The following ACSS3 variants were observed in gnomAD, a reference collection of about 807,000 sequenced individuals.
ACSS3 encodes acyl-CoA synthetase short-chain family member 3, mitochondrial.
A neutral mutation model predicts 84.2 loss-of-function variants in ACSS3; 64 were observed. The observed-to-expected ratio is 0.76, with a 90% CI of 0.62 to 0.94. The LOEUF is 0.94. Among genes scored for constraint, ACSS3 ranks in the 40% least tolerant of loss-of-function variants. ACSS3 has a pLI of 0.00. For synonymous variants in ACSS3, 317 were observed against 310.1 expected (o/e 1.02, Z -0.23); for missense variants, 815 against 867.6 (o/e 0.94, Z 0.76).
intron 1 of ACSS3, among the ~76,000 whole-genome samples, chr12:81,083,349 G>A (rs1319310533): frequency 7.2e-6 from 1 of 138,030 alleles, no homozygotes; most frequent in Non-Finnish European, 1.6e-5. Context: ...AAAAAATTCA[G>A]CTTTTGGTCT....
At chr12:81,110,915 A>G (rs1471310466) in intron 2 of ACSS3, among the ~76,000 whole-genome samples, 1 of 152,172 alleles carries the variant, frequency 6.6e-6, no homozygotes, top group Non-Finnish European at 1.5e-5. Context: ...AGAAAGTTTC[A>G]TCAACTCTCC....
chr12:81,216,614 G>A (rs934649224), intron 9 of ACSS3, among the ~76,000 whole-genome samples: 5 of 151,946 alleles, frequency 3.3e-5, no homozygotes, highest in Non-Finnish European at 7.4e-5. Context: ...CATTCTACAC[G>A]CCTGCTGATC....
chr12:81,194,870 A>T (rs1161861824), intron 8 of ACSS3, among the ~76,000 whole-genome samples: 1 of 150,824 alleles, frequency 6.6e-6, no homozygotes, highest in African/African-American at 2.4e-5. Flanking sequence ...CAAAAAAAAA[A>T]TTACAGCTTG....
In ACSS3 at chr12:81,211,938, A is replaced by G. The variant is rs78293007; in HGVS notation, c.1355-4963A>G. Among the ~76,000 whole-genome samples the G allele has an allele frequency of 7.2e-3, 1,100 of 152,162 alleles. 16 individuals carry two copies. The highest frequency in any genetic ancestry group is 0.025 in the African/African-American group (1,020 of 41,506). On this transcript the variant is annotated intron_variant, in intron 9 of 15. Coordinates refer to ENST00000548058, the MANE Select transcript of ACSS3 (RefSeq NM_024560.4). ...CACATTGGCTGCCTCACTGTTCTCAAACACTCTAGGTATGAACCGACCTCA... is the reference window on the plus strand; with the variant it reads ...CACATTGGCTGCCTCACTGTTCTCAGACACTCTAGGTATGAACCGACCTCA...
At chr12:81,221,805 T>A (rs2033119589) in intron 11 of ACSS3, among the ~76,000 whole-genome samples, 1 of 152,054 alleles carries the variant, frequency 6.6e-6, no homozygotes, top group South Asian at 2.1e-4. Context: ...ATGTTTGGCT[T>A]GCTTAGGGAA....
chr12:81,107,763 TG>T (rs1883198402), intron 1 of ACSS3, among the ~76,000 whole-genome samples: 1 of 151,460 alleles, frequency 6.6e-6, no homozygotes, highest in Non-Finnish European at 1.5e-5. Flanking sequence ...TGATCTAGGT[TG>T]GGGGTGGTTG....
At chr12:81,209,287 T>G (rs2135922431) in intron 9 of ACSS3, among the ~76,000 whole-genome samples, 1 of 152,252 alleles carries the variant, frequency 6.6e-6, no homozygotes, top group Non-Finnish European at 1.5e-5. Context: ...GAATGTTTTT[T>G]GTTAACTACA....
At chr12:81,128,941 T>A (rs1173908787) in intron 2 of ACSS3, among the ~76,000 whole-genome samples, 1 of 152,192 alleles carries the variant, frequency 6.6e-6, no homozygotes, top group Non-Finnish European at 1.5e-5. Context: ...CATATATATT[T>A]AGATTTACAA....
chr12:81,228,179 C>T (rs960746119), intron 11 of ACSS3, among the ~76,000 whole-genome samples: 2 of 151,698 alleles, frequency 1.3e-5, no homozygotes, highest in African/African-American at 4.8e-5. Context: ...TGATTGTTAC[C>T]AACCTTCGAA....
chr12:81,242,522 T>G (rs1321175252), intron 13 of ACSS3, among the ~76,000 whole-genome samples: 3 of 150,774 alleles, frequency 2.0e-5, no homozygotes, highest in African/African-American at 7.3e-5. Context: ...GCCAGCATCA[T>G]CCTGATACCA....
chr12:81,198,323 C>A lies in ACSS3; in HGVS notation c.1251-1018C>A, dbSNP rs369033329. On this transcript the variant is annotated intron_variant, in intron 8 of 15. Coordinates refer to ENST00000548058, the MANE Select transcript of ACSS3 (RefSeq NM_024560.4). ...GGAAATAGACAAAAACAAAAGAAGT[C>A]TAGAATGAGATACATGTTCATAGCA... Among the ~76,000 whole-genome samples the A allele has an allele frequency of 7.6e-4, 116 of 152,044 alleles. 1 individual carries two copies. The highest frequency in any genetic ancestry group is 2.7e-3 in the African/African-American group (112 of 41,490).
intron 4 of ACSS3, among the ~76,000 whole-genome samples, chr12:81,140,995 G>T (rs1001726034): frequency 2.0e-5 from 3 of 152,184 alleles, no homozygotes; most frequent in African/African-American, 7.2e-5. Flanking sequence ...AAGAAACTGA[G>T]TAATGGAGAG....
chr12:81,086,665 A>T (rs2121300194), intron 1 of ACSS3, among the ~76,000 whole-genome samples: 1 of 152,288 alleles, frequency 6.6e-6, no homozygotes, highest in South Asian at 2.1e-4. Context: ...TGCCACATAT[A>T]GTATTAGTTG....
intron 15 of ACSS3, 67 bp downstream of exon 15, chr12:81,253,737 A>C: frequency 6.6e-7 from 1 of 1,514,370 alleles, no homozygotes; most frequent in East Asian, 2.3e-5. Flanking sequence ...GGCATCAGCA[A>C]AGCTCTTAAA....
intron 1 of ACSS3, among the ~76,000 whole-genome samples, chr12:81,083,330 A>G (rs1047567420): frequency 1.7e-4 from 26 of 149,160 alleles, no homozygotes; most frequent in African/African-American, 6.4e-4. Flanking sequence ...AAAAATCTAA[A>G]TTTCCTGTAA....
At chr12:81,247,898 T>A (rs1446926674) in intron 13 of ACSS3, among the ~76,000 whole-genome samples, 3 of 152,066 alleles carry the variant, frequency 2.0e-5, no homozygotes, top group African/African-American at 7.2e-5. Context: ...GGAATTGAGG[T>A]CTTAATCCAA....
chr12:81,223,239 C>T (rs150550704), intron 11 of ACSS3, among the ~76,000 whole-genome samples: 1 of 152,052 alleles, frequency 6.6e-6, no homozygotes, highest in African/African-American at 2.4e-5. Flanking sequence ...GCCTGTTCAC[C>T]CTGTGCTGTG....
At chr12:81,238,571 A>T (rs1015297189) in intron 13 of ACSS3, among the ~76,000 whole-genome samples, 1 of 151,782 alleles carries the variant, frequency 6.6e-6, no homozygotes, top group Non-Finnish European at 1.5e-5. Context: ...CAGATTGTCA[A>T]TTTCTTCCTG....
At chr12:81,146,038 T>A (rs1886324271) in intron 5 of ACSS3, among the ~76,000 whole-genome samples, 1 of 152,252 alleles carries the variant, frequency 6.6e-6, no homozygotes, top group Admixed American at 6.5e-5. Flanking sequence ...GCACTTATTT[T>A]AACCTATCTT....
Sources: allele counts gnomAD v4.1 joint callset (sites outside exome capture counted in the v4.1 genomes callset), GRCh38; gene constraint gnomAD v4.1.1; transcripts MANE v1.5; gene names NCBI Gene and HGNC (gene_info 2026-07-23, HGNC 2026-07-21).